RBM46: variants seen among roughly 807,000 people sequenced by gnomAD.
The protein encoded by RBM46 is RNA binding motif protein 46.
RBM46 carries 12 observed loss-of-function variants against 43.3 expected under a neutral mutation model. The ratio of observed to expected loss-of-function variants is 0.28; its 90% CI spans 0.18 to 0.45. RBM46 has a LOEUF of 0.45. RBM46 is among the 20% of genes least tolerant of loss of function. The probability of loss-of-function intolerance (pLI) is 1.00; values close to 1 mark genes in which losing one functional copy is unlikely to be tolerated. For synonymous variants in RBM46, 205 were observed against 207.6 expected (o/e 0.99, Z 0.11); for missense variants, 412 against 639.1 (o/e 0.64, Z 3.83).
At position 154,785,927 on chromosome 4, in the gene RBM46, C is replaced by T. The variant is rs527895377; in HGVS notation, c.-12+4491C>T. Among the ~76,000 whole-genome samples the T allele has an allele frequency of 4.6e-5, 7 of 152,190 alleles. 1 individual carries two copies. The highest frequency in any genetic ancestry group is 1.7e-4 in the African/African-American group (7 of 41,520). On this transcript the variant is annotated intron_variant, in intron 1 of 4. Transcript: ENST00000281722. ...TCCACTTGCAGTTGTAATATTACTA[C>T]AAAATATTCAGTGATGGTTTAATGG... is the stretch of plus-strand genomic sequence containing the variant.
chr4:154,800,051 G>T (rs915446073), intron 4 of RBM46, among the ~76,000 whole-genome samples: 1 of 152,084 alleles, frequency 6.6e-6, no homozygotes, highest in African/African-American at 2.4e-5. Context: ...GATTACAGGC[G>T]TGAGCCACCG....
intron 4 of RBM46, chr4:154,826,794 C>T: frequency 7.0e-7 from 1 of 1,435,708 alleles, no homozygotes; most frequent in Non-Finnish European, 9.3e-7. Flanking sequence ...CTTGAGCTTA[C>T]TCTCCTGCAG....
At chr4:154,787,323 T>TCCCTCCC (rs1183939302) in intron 1 of RBM46, 4 of 108,548 alleles carry the variant, frequency 3.7e-5, no homozygotes, top group Non-Finnish European at 7.4e-5. Context: ...CCTAATGCTA[T>TCCCTCCC]CCCTCCCCCC....
chr4:154,797,344 A>C (rs139127440), intron 2 of RBM46, among the ~76,000 whole-genome samples: 1 of 152,316 alleles, frequency 6.6e-6, no homozygotes, highest in East Asian at 1.9e-4. Flanking sequence ...TCAGTTTATC[A>C]CACTTAAAAT....
chr4:154,793,948 C>T (rs1397882804), intron 1 of RBM46, among the ~76,000 whole-genome samples: 1 of 152,074 alleles, frequency 6.6e-6, no homozygotes. Flanking sequence ...TTAAACTGAA[C>T]CCTGATCTTA....
chr4:154,817,861 CTTTCT>C (rs1377520356), intron 4 of RBM46, among the ~76,000 whole-genome samples: 1 of 151,390 alleles, frequency 6.6e-6, no homozygotes, highest in African/African-American at 2.4e-5. Flanking sequence ...TTTATTTTGA[CTTTCT>C]TTTCTTTAGC....
chr4:154,810,403 G>A (rs1735118756), intron 4 of RBM46, among the ~76,000 whole-genome samples: 1 of 152,132 alleles, frequency 6.6e-6, no homozygotes, highest in South Asian at 2.1e-4. Context: ...GCTTGGAAAC[G>A]CCATAATATG....
chr4:154,783,861 C>G (rs1475071753), intron 1 of RBM46, among the ~76,000 whole-genome samples: 1 of 152,190 alleles, frequency 6.6e-6, no homozygotes, highest in African/African-American at 2.4e-5. Flanking sequence ...CATCTGTACA[C>G]TTATTTCGAA....
chr4:154,791,376 G>A (rs1196903820), intron 1 of RBM46, among the ~76,000 whole-genome samples: 2 of 152,122 alleles, frequency 1.3e-5, no homozygotes, highest in Admixed American at 6.6e-5. Flanking sequence ...TGGTAATGAG[G>A]TCAGGTGCCG....
rs770595465 is a variant in RBM46 at position 154,827,866 on chromosome 4, A to C, written c.1403-2A>C. The C allele has an allele frequency of 2.6e-5, 42 of 1,613,488 alleles. No homozygotes were observed. Among genetic ancestry groups the C allele is most frequent in the Admixed American group, 6.7e-5 (4 of 59,990 alleles). ...CATAATTGTTCATGTATTTATTTAC[A>C]GACTACAATTTCCATCGCAGCTCAA... On this transcript the variant is annotated splice_acceptor_variant, in intron 4 of 4. Coordinates refer to ENST00000281722, the MANE Select transcript of RBM46 (RefSeq NM_144979.5). LOFTEE classifies it high-confidence loss of function.
intron 2 of RBM46, 120 bp from the exon 3 acceptor site, chr4:154,797,691 C>A: frequency 1.7e-6 from 1 of 596,454 alleles, no homozygotes; most frequent in East Asian, 2.9e-5. Flanking sequence ...TGTTGTATCA[C>A]CAATACCTAG....
Position 154,796,832 on chromosome 4 carries a change from C to T in RBM46, c.80C>T (p.Ala27Val), listed in dbSNP as rs746166729. ...ATTCAGAATGAAGCAGCATTACTTG[C>T]TTTGATGGAAAAGACTGGTTACAAC... ...TGIQNEAALL[A>V]LMEKTGYNMV... Residue 27 changes from alanine to valine, a missense_variant, in exon 2 of 5, where the codon GCT becomes GTT. Physicochemically the swap from Ala to Val is moderately conservative, Grantham distance 64 (BLOSUM62 0). Coordinates refer to ENST00000281722, the MANE Select transcript of RBM46 (RefSeq NM_144979.5). The T allele has an allele frequency of 5.6e-6, 9 of 1,613,642 alleles. No individual in the cohort carries two copies. Among genetic ancestry groups the T allele is most frequent in the African/African-American group, 4.0e-5 (3 of 74,914 alleles).
intron 4 of RBM46, among the ~76,000 whole-genome samples, chr4:154,815,484 CTTTTACA>C (rs1735389128): frequency 6.6e-6 from 1 of 151,894 alleles, no homozygotes; most frequent in Admixed American, 6.6e-5. Flanking sequence ...AGATATCAGT[CTTTTACA>C]TTTTGGATAT....
rs1033225341 is a variant in RBM46 at position 154,828,302 on chromosome 4, A to G, written c.*235A>G. On this transcript the variant is annotated 3_prime_UTR_variant, in exon 5 of 5. Transcript: ENST00000281722. ...TCTCTTGATAAAGGTACAGCAAACT[A>G]CTATTCTTTTTAAACTTCTAGGATT... 1 of 452,384 alleles carries G rather than the reference A, an allele frequency of 2.2e-6. No individual in the cohort carries two copies. The highest frequency in any genetic ancestry group is 3.9e-5 in the East Asian group (1 of 25,632). 28.0% of individuals were successfully genotyped at this position (452,384 alleles called of 1,614,324 possible). A position where few individuals can be genotyped will look rare whatever the true frequency, so the allele number is the denominator to read the frequency against.
At chr4:154,817,357 G>A (rs1735500192) in intron 4 of RBM46, among the ~76,000 whole-genome samples, 1 of 138,128 alleles carries the variant, frequency 7.2e-6, no homozygotes, top group African/African-American at 2.7e-5. Flanking sequence ...TTTTGATGCT[G>A]AGTCTCATAC....
chr4:154,825,795 T>C (rs1735930459), intron 4 of RBM46, among the ~76,000 whole-genome samples: 1 of 152,198 alleles, frequency 6.6e-6, no homozygotes, highest in Admixed American at 6.5e-5. Flanking sequence ...AATTCATGAA[T>C]AGGCTGCATT....
chr4:154,819,203 G>A (rs978877388), intron 4 of RBM46, among the ~76,000 whole-genome samples: 3 of 152,172 alleles, frequency 2.0e-5, no homozygotes, highest in African/African-American at 7.2e-5. Flanking sequence ...CAGAAAGGTG[G>A]CCAAAGGACT....
At chr4:154,808,532 C>CA (rs1477552037) in intron 4 of RBM46, among the ~76,000 whole-genome samples, 1 of 151,950 alleles carries the variant, frequency 6.6e-6, no homozygotes, top group Non-Finnish European at 1.5e-5. Flanking sequence ...TGAATATCCA[C>CA]AAAATTTGCA....
At chr4:154,783,963 C>G (rs987257701) in intron 1 of RBM46, among the ~76,000 whole-genome samples, 1 of 152,158 alleles carries the variant, frequency 6.6e-6, no homozygotes, top group African/African-American at 2.4e-5. Context: ...CAGTCTGTCA[C>G]TAAAATGAAT....
Sources: gnomAD v4.1 joint callset for allele counts (sites outside exome capture counted in the v4.1 genomes callset) on GRCh38, gnomAD v4.1.1 for gene constraint, MANE v1.5 for transcripts, NCBI Gene and HGNC (gene_info 2026-07-23, HGNC 2026-07-21) for gene names.